AOPEP: variants seen among roughly 807,000 people sequenced by gnomAD.
AOPEP encodes aminopeptidase O (putative).
Under a neutral mutation model 98.1 loss-of-function variants are expected in AOPEP, and 77 were observed. The ratio of observed to expected loss-of-function variants is 0.78; its 90% CI spans 0.65 to 0.95. AOPEP has a LOEUF of 0.95. AOPEP is among the 40% of genes least tolerant of loss of function. The probability of loss-of-function intolerance (pLI) is 0.00; values close to 1 mark genes in which losing one functional copy is unlikely to be tolerated. For missense variants in AOPEP, 1,024 were observed against 1,024.7 expected, an observed-to-expected ratio of 1.00 and a Z score of 0.01; for synonymous variants, 346 against 365.3, an observed-to-expected ratio of 0.95 and a Z score of 0.60.
At chr9:95,060,868 G>A in intron 14 of AOPEP, 58 bp downstream of exon 14, 2 of 1,093,680 alleles carry the variant, frequency 1.8e-6, no homozygotes, top group South Asian at 2.5e-5. Context: ...TTGAAGAATG[G>A]TGATCCCATT....
Position 95,005,623 on chromosome 9 carries a change from G to T in AOPEP, c.2115+7G>T, listed in dbSNP as rs1365352048. 16 of 1,613,192 alleles carry T rather than the reference G, an allele frequency of 9.9e-6. No individual in the cohort carries two copies. The highest frequency in any genetic ancestry group is 1.3e-5 in the Non-Finnish European group (15 of 1,179,324). On this transcript the variant is annotated splice_region_variant and intron_variant, in intron 13 of 16. Transcript: ENST00000375315. ...GGAAGAGGTGTTTGAAAAGGTAGGGGTTCCCGAGACGGTACTCGGTGCAGG... is the reference window on the plus strand; with the variant it reads ...GGAAGAGGTGTTTGAAAAGGTAGGGTTTCCCGAGACGGTACTCGGTGCAGG...
At chr9:95,066,036 T>G (rs1292608695) in intron 14 of AOPEP, among the ~76,000 whole-genome samples, 1 of 152,218 alleles carries the variant, frequency 6.6e-6, no homozygotes, top group Admixed American at 6.5e-5. Context: ...AAAAAGGGAT[T>G]GGGGTAATTG....
chr9:95,101,429 T>C, the AOPEP span: 1 of 509,888 alleles, frequency 2.0e-6, no homozygotes. Flanking sequence ...TTTGCTTTAG[T>C]AATTATCAAG....
chr9:95,129,028 G>A, the AOPEP span, among the ~76,000 whole-genome samples: 4 of 151,684 alleles, frequency 2.6e-5, no homozygotes, highest in East Asian at 1.9e-4. Flanking sequence ...TTAGCCTCCT[G>A]AGTAGCTGGG....
At chr9:94,768,363 T>G (rs1840096862) in intron 2 of AOPEP, among the ~76,000 whole-genome samples, 1 of 152,186 alleles carries the variant, frequency 6.6e-6, no homozygotes, top group African/African-American at 2.4e-5. Context: ...AAAAAACCCC[T>G]TTTTCTCCTG....
chr9:94,955,863 A>C, intron 8 of AOPEP, 45 bp from the exon 9 acceptor site: 5 of 1,339,464 alleles, frequency 3.7e-6, no homozygotes, highest in Non-Finnish European at 5.2e-6. Context: ...TTTTTTATGA[A>C]CTCATGGTAG....
intron 13 of AOPEP, among the ~76,000 whole-genome samples, chr9:95,043,945 A>C (rs545513389): frequency 1.1e-4 from 16 of 152,338 alleles, no homozygotes; most frequent in African/African-American, 3.8e-4. Context: ...CGCTGTGTAC[A>C]TATGGTGTAT....
intron 1 of AOPEP, among the ~76,000 whole-genome samples, chr9:94,745,174 G>C (rs1834178753): frequency 6.6e-6 from 1 of 151,996 alleles, no homozygotes; most frequent in Non-Finnish European, 1.5e-5. Context: ...TCTCAACATT[G>C]TCTGTAACTG....
intron 5 of AOPEP, among the ~76,000 whole-genome samples, chr9:94,878,242 T>C (rs531607120): frequency 6.7e-6 from 1 of 149,440 alleles, no homozygotes; most frequent in South Asian, 2.2e-4. Context: ...TTGGGAAAGC[T>C]GTCCGCATCT....
At chr9:95,088,359 G>A (rs1427813574), downstream of AOPEP, among the ~76,000 whole-genome samples, 1 of 152,034 alleles carries the variant, frequency 6.6e-6, no homozygotes. Flanking sequence ...ACAGGCTCCC[G>A]CCACCATGCC....
intron 2 of AOPEP, among the ~76,000 whole-genome samples, chr9:94,768,441 C>T (rs1244229599): frequency 6.6e-6 from 1 of 152,158 alleles, no homozygotes; most frequent in Non-Finnish European, 1.5e-5. Context: ...TTAAGCAATC[C>T]CTTACACGTT....
intron 1 of AOPEP, among the ~76,000 whole-genome samples, chr9:94,755,637 A>T (rs1836852447): frequency 6.6e-6 from 1 of 152,208 alleles, no homozygotes; most frequent in African/African-American, 2.4e-5. Flanking sequence ...CTTGAAGAAG[A>T]TAAAGAAGGT....
intron 11 of AOPEP, among the ~76,000 whole-genome samples, chr9:94,986,391 G>A (rs2060520272): frequency 6.6e-6 from 1 of 152,194 alleles, no homozygotes; most frequent in Admixed American, 6.5e-5. Flanking sequence ...TTGAATATAT[G>A]AATTTGGTGG....
intron 11 of AOPEP, among the ~76,000 whole-genome samples, chr9:94,981,551 A>G (rs2060185453): frequency 6.6e-6 from 1 of 152,130 alleles, no homozygotes; most frequent in African/African-American, 2.4e-5. Flanking sequence ...CATTTCGGCC[A>G]TGATTTCTGC....
intron 13 of AOPEP, among the ~76,000 whole-genome samples, chr9:95,049,211 T>C (rs1454647344): frequency 6.6e-6 from 1 of 152,248 alleles, no homozygotes; most frequent in East Asian, 1.9e-4. Flanking sequence ...CACTGGTTTT[T>C]CAAGCTGGTT....
the AOPEP span, chr9:95,110,754 T>C: frequency 1.8e-6 from 2 of 1,097,866 alleles, no homozygotes; most frequent in Non-Finnish European, 2.2e-6. Flanking sequence ...GCACTGGCAG[T>C]TGAAGTTTTA....
intron 7 of AOPEP, among the ~76,000 whole-genome samples, chr9:94,935,963 T>C (rs1588976203): frequency 6.6e-6 from 1 of 152,168 alleles, no homozygotes; most frequent in Non-Finnish European, 1.5e-5. Context: ...GAGCTCCAGC[T>C]CCTGCCTCTC....
At position 94,930,804 on chromosome 9, in the gene AOPEP, C is replaced by T. The variant is rs146569939; in HGVS notation, c.1661+2273C>T. The stretch of plus-strand genomic sequence containing the variant: ...GGAGCATGGATGGGAAGTCAGGAAG[C>T]GGGGCTGGTAACTGTAGGCTCTGTG... On this transcript the variant is annotated intron_variant, in intron 7 of 16. Transcript: ENST00000375315. This position sits in a 1 kb window ranked among gnomAD's most constrained non-coding sequence, Gnocchi z 4.5. Among the ~76,000 whole-genome samples the T allele has an allele frequency of 1.6e-3, 242 of 152,024 alleles. 2 individuals carry two copies. The highest frequency in any genetic ancestry group is 1.1e-3 in the Non-Finnish European group (78 of 67,964).
intron 5 of AOPEP, among the ~76,000 whole-genome samples, chr9:94,818,374 C>T (rs954873652): frequency 6.6e-6 from 1 of 152,130 alleles, no homozygotes; most frequent in African/African-American, 2.4e-5. Flanking sequence ...TAAAATAATT[C>T]TCTAAAATAA....
Sources: gnomAD v4.1 joint callset for allele counts (sites outside exome capture counted in the v4.1 genomes callset) on GRCh38, gnomAD v4.1.1 for gene constraint, Gnocchi (gnomAD v3.1) non-coding constraint, MANE v1.5 for transcripts, NCBI Gene and HGNC (gene_info 2026-07-23, HGNC 2026-07-21) for gene names.